The following PBLD variants were observed in gnomAD, a reference collection of about 807,000 sequenced individuals.
The protein encoded by PBLD is phenazine biosynthesis-like domain-containing protein.
PBLD carries 26 observed loss-of-function variants against 31.3 expected under a neutral mutation model. The ratio of observed to expected loss-of-function variants is 0.83; its 90% CI spans 0.61 to 1.15. PBLD has a LOEUF of 1.15. Ranked by LOEUF, PBLD falls within the 50% of genes most tolerant of loss-of-function variation. The pLI is 0.00. For synonymous variants in PBLD, 114 were observed against 129.0 expected (o/e 0.88, Z 0.79); for missense variants, 307 against 351.7 (o/e 0.87, Z 1.02).
At chr10:68,295,190 T>C (rs10762212) in intron 4 of PBLD, among the ~76,000 whole-genome samples, 119,742 of 152,052 alleles carry the variant, frequency 0.79, 47,778 homozygotes, top group Non-Finnish European at 0.86. Context: ...TCTTCAAATT[T>C]AGAGCAAAGA....
chr10:68,310,635 C>T (rs2044653954), intron 1 of PBLD, among the ~76,000 whole-genome samples: 1 of 149,672 alleles, frequency 6.7e-6, no homozygotes, highest in South Asian at 2.1e-4. Context: ...TGACAACCAC[C>T]ATTCTACTCT....
intron 1 of PBLD, among the ~76,000 whole-genome samples, chr10:68,314,889 A>G (rs758847886): frequency 2.6e-5 from 4 of 152,102 alleles, no homozygotes; most frequent in South Asian, 2.1e-4. Flanking sequence ...TCCTGGGTTC[A>G]AGCGATTTTT....
At chr10:68,289,151 G>A (rs2044325374) in intron 6 of PBLD, 132 bp from the exon 7 acceptor site, 1 of 661,378 alleles carries the variant, frequency 1.5e-6, no homozygotes, top group African/African-American at 1.8e-5. Flanking sequence ...GTCCCCAAGA[G>A]TGTTAGTGCA....
chr10:68,288,085 C>T (rs1392915700), intron 8 of PBLD: 1 of 178,826 alleles, frequency 5.6e-6, no homozygotes, highest in Non-Finnish European at 1.2e-5. Flanking sequence ...AATATAATAG[C>T]TAGTAGTTAT....
chr10:68,329,605 A>ATT lies in PBLD; in HGVS notation c.-60+3177_-60+3178dup, dbSNP rs67937421. Among the ~76,000 whole-genome samples the ATT allele has an allele frequency of 7.9e-3, 1,191 of 150,436 alleles. 16 individuals carry two copies. The highest frequency in any genetic ancestry group is 0.028 in the African/African-American group (1,135 of 40,960). ...AGCTTAGAGTCTTATTAATACAGCAATTTTTTTTTTAAAAGGAGGGAGAGG... is the reference window on the plus strand; with the variant it reads ...AGCTTAGAGTCTTATTAATACAGCAATTTTTTTTTTTTAAAAGGAGGGAGAGG... On this transcript the variant is annotated intron_variant, in intron 1 of 9. Coordinates refer to ENST00000358769, the MANE Select transcript of PBLD (RefSeq NM_022129.4).
intron 1 of PBLD, among the ~76,000 whole-genome samples, chr10:68,319,081 A>AAG (rs1554860604): frequency 1.5e-5 from 2 of 131,236 alleles, no homozygotes; most frequent in Admixed American, 8.0e-5. Flanking sequence ...GAAAGAAAGA[A>AAG]AGAAAGAAAG....
rs532469904 is a variant in PBLD at position 68,290,755 on chromosome 10, A to C, written c.423+1255T>G. On this transcript the variant is annotated intron_variant, in intron 6 of 9. Coordinates refer to ENST00000358769, the MANE Select transcript of PBLD (RefSeq NM_022129.4). ...GGTTTAATTCTTGGCTGGGAATCTT[A>C]CTGCCAGTTTCTAGGGAAGAACACA... 2.6e-5 allele frequency among the ~76,000 whole-genome samples: 4 copies of C among 152,314 alleles called. No homozygotes were observed. In the East Asian group the frequency reaches 7.7e-4, roughly 29 times the overall value.
intron 1 of PBLD, chr10:68,331,768 C>T (rs1408256530): frequency 6.6e-6 from 1 of 152,388 alleles, no homozygotes; most frequent in African/African-American, 2.4e-5. Context: ...CTTCTACACA[C>T]TGGCAGAACT....
intron 1 of PBLD, chr10:68,332,128 T>C (rs1049049114): frequency 6.6e-6 from 1 of 152,308 alleles, no homozygotes; most frequent in Non-Finnish European, 1.5e-5. Context: ...AGAACCGTTG[T>C]GGCGAGCGCT....
chr10:68,319,343 A>C (rs1384979284), intron 1 of PBLD, among the ~76,000 whole-genome samples: 3 of 152,356 alleles, frequency 2.0e-5, no homozygotes, highest in African/African-American at 7.2e-5. Context: ...TTAAGTGCTT[A>C]AACTCTCCAA....
At chr10:68,302,463 T>C (rs1349317375) in intron 2 of PBLD, among the ~76,000 whole-genome samples, 1 of 152,224 alleles carries the variant, frequency 6.6e-6, no homozygotes, top group Non-Finnish European at 1.5e-5. Context: ...CATTTGTCCC[T>C]CTGCTGTAGA....
intron 2 of PBLD, among the ~76,000 whole-genome samples, chr10:68,303,298 G>A (rs980007504): frequency 6.6e-6 from 1 of 151,806 alleles, no homozygotes; most frequent in South Asian, 2.1e-4. Context: ...GTTGGCCAGG[G>A]TGGTCTCAAA....
In PBLD at chr10:68,285,427, A is replaced by G. The variant is rs1211151667; in HGVS notation, c.692-17T>C. The G allele has an allele frequency of 2.5e-6, 4 of 1,588,904 alleles. No homozygotes were observed. Among genetic ancestry groups the G allele is most frequent in the East Asian group, 2.2e-5 (1 of 44,640 alleles). On this transcript the variant is annotated splice_polypyrimidine_tract_variant and intron_variant, in intron 8 of 9. Transcript: ENST00000358769. Reference sequence around the variant, plus strand: ...GTGCAGACCCTCAAAAGAAGTGAAAAGTTAGGAGACAATCCCCAAGAAAAC... The same window carrying G: ...GTGCAGACCCTCAAAAGAAGTGAAAGGTTAGGAGACAATCCCCAAGAAAAC...
intron 1 of PBLD, among the ~76,000 whole-genome samples, chr10:68,322,793 T>C (rs920368208): frequency 2.0e-5 from 3 of 152,076 alleles, no homozygotes; most frequent in Non-Finnish European, 4.4e-5. Flanking sequence ...CACTCTGTTA[T>C]CCAGGCTGGA....
intron 1 of PBLD, among the ~76,000 whole-genome samples, chr10:68,318,436 G>C (rs982646087): frequency 2.0e-5 from 3 of 148,066 alleles, no homozygotes; most frequent in Non-Finnish European, 4.4e-5. Context: ...GAGGCTGGAG[G>C]TTCCCTTGAG....
At chr10:68,307,021 T>C (rs2044589868) in intron 1 of PBLD, 118 bp from the exon 2 acceptor site, 2 of 499,514 alleles carry the variant, frequency 4.0e-6, no homozygotes, top group Non-Finnish European at 3.6e-6. Context: ...AGATATATAA[T>C]CCCCTAACTT....
At chr10:68,309,606 G>A (rs1360470269) in intron 1 of PBLD, among the ~76,000 whole-genome samples, 8 of 149,174 alleles carry the variant, frequency 5.4e-5, no homozygotes, top group African/African-American at 1.5e-4. Flanking sequence ...TCAGGAGATC[G>A]AGACCATCCT....
At chr10:68,307,000 A>G (rs2044589606) in intron 1 of PBLD, 97 bp from the exon 2 acceptor site, 2 of 576,392 alleles carry the variant, frequency 3.5e-6, no homozygotes, top group Non-Finnish European at 6.2e-6. Context: ...ATTCAAAGAT[A>G]CTACATTTAA....
chr10:68,326,016 AT>A (rs147774090), intron 1 of PBLD, among the ~76,000 whole-genome samples: 5,403 of 147,362 alleles, frequency 0.037, 347 homozygotes, highest in African/African-American at 0.13. Context: ...ATGTACGTGC[AT>A]TTTTTTTTTA....
Sources: allele counts gnomAD v4.1 joint callset (sites outside exome capture counted in the v4.1 genomes callset), GRCh38; gene constraint gnomAD v4.1.1; transcripts MANE v1.5; gene names NCBI Gene and HGNC (gene_info 2026-07-23, HGNC 2026-07-21).